The following SLC12A5 variants were observed in gnomAD, a reference collection of about 807,000 sequenced individuals.
SLC12A5 encodes the protein solute carrier family 12 member 5, also known as K-Cl cotransporter 2.
In SLC12A5, 18 loss-of-function variants were observed where a neutral mutation model predicts 124.0. The ratio of observed to expected loss-of-function variants is 0.15; its 90% CI spans 0.10 to 0.22. SLC12A5 has a LOEUF of 0.22. Among genes scored for constraint, SLC12A5 ranks in the 10% least tolerant of loss-of-function variants. The probability of loss-of-function intolerance (pLI) is 1.00; values close to 1 mark genes in which losing one functional copy is unlikely to be tolerated. For synonymous variants in SLC12A5, 589 were observed against 568.0 expected (o/e 1.04, Z -0.53); for missense variants, 867 against 1,478.7 (o/e 0.59, Z 6.78).
intron 8 of SLC12A5, 127 bp downstream of exon 8, chr20:46,041,667 G>A (rs1035075321): frequency 3.2e-6 from 3 of 931,726 alleles, no homozygotes; most frequent in East Asian, 5.3e-5. Flanking sequence ...CACCTACTCT[G>A]AGTTACATTC....
rs770984003 is a variant in SLC12A5 at position 46,041,313 on chromosome 20, T to C, written c.855-16T>C. 5 of 1,612,908 alleles carry C rather than the reference T, an allele frequency of 3.1e-6. No individual in the cohort carries two copies. The highest frequency in any genetic ancestry group is 4.2e-6 in the Non-Finnish European group (5 of 1,179,326). On this transcript the variant is annotated splice_polypyrimidine_tract_variant and intron_variant, in intron 7 of 25. Coordinates refer to ENST00000243964, the MANE Select transcript of SLC12A5 (RefSeq NM_020708.5). ...TTATGTGGCTCCCCACCTTCCTCCC[T>C]TGTTTCTCTCCCTAGGATCTGCCTC...
intron 5 of SLC12A5, 87 bp downstream of exon 5, chr20:46,036,882 A>C (rs1427522934): frequency 1.3e-6 from 2 of 1,506,898 alleles, no homozygotes; most frequent in Non-Finnish European, 1.8e-6. Flanking sequence ...TCAAGGCCCA[A>C]GAGAGATAAT....
chr20:46,059,044 C>G lies in SLC12A5; in HGVS notation c.*1439C>G. 1 of 288,418 alleles carries G rather than the reference C, an allele frequency of 3.5e-6. No individual in the cohort carries two copies. The highest frequency in any genetic ancestry group is 5.7e-5 in the East Asian group (1 of 17,446). 17.9% of individuals were successfully genotyped at this position (288,418 alleles called of 1,614,324 possible). A position where few individuals can be genotyped will look rare whatever the true frequency, so the allele number is the denominator to read the frequency against. On this transcript the variant is annotated 3_prime_UTR_variant, in exon 26 of 26. Coordinates refer to ENST00000243964, the MANE Select transcript of SLC12A5 (RefSeq NM_020708.5). ...GCTCATCCTTGGCCCTTCCGCTCCA[C>G]CAGCCTGGTCTGAGGCGTGCTCTGT...
intron 6 of SLC12A5, among the ~76,000 whole-genome samples, chr20:46,039,053 G>A (rs1472836896): frequency 2.0e-5 from 3 of 152,142 alleles, no homozygotes; most frequent in Admixed American, 2.0e-4. Context: ...AAGGAAATAA[G>A]TCACCCAAAG....
At position 46,058,760 on chromosome 20, in the gene SLC12A5, GT is replaced by G. The variant is rs1333494175; in HGVS notation, c.*1158del. Reference sequence around the variant, plus strand: ...GTGAGGGAGGAGGGGGCCGATTCTGGTTTAGGGGCCGGACCCACTGAGAGGC... The same window carrying G: ...GTGAGGGAGGAGGGGGCCGATTCTGGTTAGGGGCCGGACCCACTGAGAGGC... On this transcript the variant is annotated 3_prime_UTR_variant, in exon 26 of 26. Coordinates refer to ENST00000243964, the MANE Select transcript of SLC12A5 (RefSeq NM_020708.5). The surrounding 1 kb of genome is among the most constrained non-coding windows in gnomAD (Gnocchi z 5.8). 5.0e-6 allele frequency: 2 copies of G among 398,664 alleles called. No individual in the cohort carries two copies. Among genetic ancestry groups the G allele is most frequent in the Non-Finnish European group, 8.8e-6 (2 of 226,132 alleles). 24.7% of individuals were successfully genotyped at this position (398,664 alleles called of 1,614,324 possible).
At chr20:46,038,605 C>G (rs184988201) in intron 6 of SLC12A5, among the ~76,000 whole-genome samples, 1 of 152,186 alleles carries the variant, frequency 6.6e-6, no homozygotes, top group Non-Finnish European at 1.5e-5. Flanking sequence ...GATGCAGCTT[C>G]ATTGATGAAA....
chr20:46,054,817 C>G, intron 20 of SLC12A5, 99 bp from the exon 21 acceptor site: 1,412 of 724,508 alleles, frequency 1.9e-3, no homozygotes, highest in Non-Finnish European at 3.0e-3. Context: ...GGACGGGGGC[C>G]TTCCTTCCTT....
downstream of SLC12A5, chr20:46,023,733 C>T (rs114750349): frequency 2.6e-3 from 762 of 294,276 alleles, 7 homozygotes; most frequent in African/African-American, 0.015. Flanking sequence ...TCGGCCCACC[C>T]ACTGCACCCT....
In SLC12A5 at chr20:46,043,217, G is replaced by T; in HGVS notation, c.1131G>T (p.Val377=). The T allele has an allele frequency of 1.2e-6, 2 of 1,614,014 alleles. No individual in the cohort carries two copies. Among genetic ancestry groups the T allele is most frequent in the Non-Finnish European group, 1.7e-6 (2 of 1,179,988 alleles). ...TGGAGAGGAGTGGGATGACCTCGGTGGGCCTGGCCGATGGCACTCCTATCG... is the reference window on the plus strand; with the variant it reads ...TGGAGAGGAGTGGGATGACCTCGGTTGGCCTGGCCGATGGCACTCCTATCG... ...VIVERSGMTS[V]GLADGTPIDM... The change falls in exon 9 of 26, where the codon GTG becomes GTT. Residue 377 remains valine (V), a synonymous_variant. Transcript: ENST00000243964.
chr20:46,035,678 A>G lies in SLC12A5; in HGVS notation c.280-99A>G, dbSNP rs73908605. ...GAGGGATGAAGGGTTGAGAATAGAGAGAAGAGGAAGGTGGGGGCAGAGAAA... is the reference window on the plus strand; with the variant it reads ...GAGGGATGAAGGGTTGAGAATAGAGGGAAGAGGAAGGTGGGGGCAGAGAAA... On this transcript the variant is annotated intron_variant, in intron 3 of 25. Coordinates refer to ENST00000243964, the MANE Select transcript of SLC12A5 (RefSeq NM_020708.5). 2.0e-3 allele frequency: 2,962 copies of G among 1,517,270 alleles called. 47 individuals are homozygous for G. In the African/African-American group the frequency reaches 0.037, roughly 19 times the overall value. The allele number at this position is 1,517,270 out of a possible 1,614,324, so 94.0% of individuals were successfully genotyped here. A position where few individuals can be genotyped will look rare whatever the true frequency, so the allele number is the denominator to read the frequency against.
chr20:46,030,934 C>T (rs958505614), intron 1 of SLC12A5, among the ~76,000 whole-genome samples: 1 of 152,078 alleles, frequency 6.6e-6, no homozygotes, highest in Non-Finnish European at 1.5e-5. Flanking sequence ...ATCCAGCATC[C>T]GCCCCCTCCC....
upstream of SLC12A5, among the ~76,000 whole-genome samples, chr20:46,025,150 C>T (rs1396535917): frequency 6.6e-6 from 1 of 152,156 alleles, no homozygotes; most frequent in African/African-American, 2.4e-5. Flanking sequence ...ATCTAAGGGT[C>T]CTTCTAACCA....
At chr20:46,035,659 T>G in intron 3 of SLC12A5, 118 bp from the exon 4 acceptor site, 1 of 1,503,694 alleles carries the variant, frequency 6.7e-7, no homozygotes. Context: ...AGAAGAGGGA[T>G]GAAGGGTTGA....
At chr20:46,049,984 C>T (rs890533609) in intron 17 of SLC12A5, among the ~76,000 whole-genome samples, 194 bp downstream of exon 17, 6 of 152,182 alleles carry the variant, frequency 3.9e-5, no homozygotes, top group Non-Finnish European at 5.9e-5. Context: ...GCATGAAAGA[C>T]CATCAGAGGC....
At chr20:46,035,342 C>CG in intron 2 of SLC12A5, 62 bp from the exon 3 acceptor site, 26 of 1,567,910 alleles carry the variant, frequency 1.7e-5, no homozygotes, top group Non-Finnish European at 2.2e-5. Context: ...CTCTGCCCTT[C>CG]GCCACCCAGC....
chr20:46,029,232 C>T lies in SLC12A5; in HGVS notation c.-113C>T. 2.1e-6 allele frequency: 3 copies of T among 1,450,652 alleles called. No homozygotes were observed. The South Asian group carries it at 4.4e-5, about 21-fold the overall frequency. 89.9% of individuals were successfully genotyped at this position (1,450,652 alleles called of 1,614,324 possible). A position where few individuals can be genotyped will look rare whatever the true frequency, so the allele number is the denominator to read the frequency against. ...GGGCGGGCACTGCAGCTTCTTCCTCCGTGGAGCGGAGAGCGAGACAGAGCT... is the reference window on the plus strand; with the variant it reads ...GGGCGGGCACTGCAGCTTCTTCCTCTGTGGAGCGGAGAGCGAGACAGAGCT... On this transcript the variant is annotated 5_prime_UTR_variant, in exon 1 of 26. Transcript: ENST00000243964.
chr20:46,049,557 G>C, intron 16 of SLC12A5, 65 bp from the exon 17 acceptor site: 2 of 1,542,924 alleles, frequency 1.3e-6, no homozygotes, highest in Non-Finnish European at 1.8e-6. Context: ...CCTGGTGGTG[G>C]GTGTATGGTG....
chr20:46,054,861 C>A, intron 20 of SLC12A5, 55 bp from the exon 21 acceptor site: 1 of 1,340,192 alleles, frequency 7.5e-7, no homozygotes, highest in Non-Finnish European at 1.1e-6. Flanking sequence ...AGACCTCATG[C>A]TTTCCTCCGT....
chr20:46,038,815 C>T (rs1276341174), intron 6 of SLC12A5, among the ~76,000 whole-genome samples: 1 of 152,200 alleles, frequency 6.6e-6, no homozygotes, highest in South Asian at 2.1e-4. Flanking sequence ...ACCACACTGC[C>T]TTGGAAACCT....
Sources: gnomAD v4.1 joint callset for allele counts (sites outside exome capture counted in the v4.1 genomes callset) on GRCh38, gnomAD v4.1.1 for gene constraint, Gnocchi (gnomAD v3.1) non-coding constraint, MANE v1.5 for transcripts, NCBI Gene and HGNC (gene_info 2026-07-23, HGNC 2026-07-21) for gene names.